Variants in SLCO1C1 observed in about 807,000 individuals in gnomAD.
SLCO1C1 encodes the protein OAT-RP-5.
In SLCO1C1, 70 loss-of-function variants were observed where a neutral mutation model predicts 76.4. That is an observed-to-expected ratio of 0.92 (90% confidence interval 0.76 to 1.12). The LOEUF (loss-of-function observed/expected upper bound fraction) is 1.12. SLCO1C1 is among the 50% of genes most tolerant of loss of function. SLCO1C1 has a pLI of 0.00. For synonymous variants in SLCO1C1, 306 were observed against 286.1 expected, an observed-to-expected ratio of 1.07 and a Z score of -0.70; for missense variants, 912 against 823.8, an observed-to-expected ratio of 1.11 and a Z score of -1.31.
intron 11 of SLCO1C1, 118 bp from the exon 12 acceptor site, chr12:20,740,066 A>G: frequency 9.8e-7 from 1 of 1,020,114 alleles, no homozygotes. Context: ...AAAAAATAAA[A>G]GAATATTTCC....
At chr12:20,736,688 A>G (rs1375937468) in intron 10 of SLCO1C1, among the ~76,000 whole-genome samples, 1 of 152,106 alleles carries the variant, frequency 6.6e-6, no homozygotes, top group Non-Finnish European at 1.5e-5. Flanking sequence ...TACTTAGACA[A>G]CAATTCTGAA....
intron 5 of SLCO1C1, among the ~76,000 whole-genome samples, chr12:20,713,161 G>C (rs1465388021): frequency 6.7e-6 from 1 of 149,030 alleles, no homozygotes; most frequent in Admixed American, 6.7e-5. Context: ...CTCACTGCAA[G>C]CTCCGCCTCC....
intron 3 of SLCO1C1, among the ~76,000 whole-genome samples, chr12:20,703,621 A>C (rs1946630828): frequency 6.6e-6 from 1 of 151,950 alleles, no homozygotes; most frequent in South Asian, 2.1e-4. Context: ...TCAATGGTTA[A>C]TTTTATTTAG....
At chr12:20,713,279 C>T (rs1415016287) in intron 5 of SLCO1C1, among the ~76,000 whole-genome samples, 1 of 151,800 alleles carries the variant, frequency 6.6e-6, no homozygotes, top group Non-Finnish European at 1.5e-5. Flanking sequence ...CGGGGTTTCA[C>T]CTTGTTAGCC....
chr12:20,698,063 A>G (rs1334453022), intron 1 of SLCO1C1, among the ~76,000 whole-genome samples: 1 of 152,032 alleles, frequency 6.6e-6, no homozygotes, highest in East Asian at 1.9e-4. Flanking sequence ...TTATCAATAT[A>G]GGTAATGAAT....
intron 5 of SLCO1C1, among the ~76,000 whole-genome samples, chr12:20,713,238 C>T (rs1044306540): frequency 2.0e-5 from 3 of 151,694 alleles, no homozygotes; most frequent in African/African-American, 7.3e-5. Context: ...CGCTACCACG[C>T]CCGGCTAATT....
chr12:20,720,046 A>T (rs117711489), intron 7 of SLCO1C1, among the ~76,000 whole-genome samples: 1 of 152,298 alleles, frequency 6.6e-6, no homozygotes, highest in East Asian at 1.9e-4. Flanking sequence ...AGTTGAAGCC[A>T]ATGCTCATTT....
At chr12:20,724,006 A>G (rs1947807230) in intron 9 of SLCO1C1, among the ~76,000 whole-genome samples, 1 of 152,120 alleles carries the variant, frequency 6.6e-6, no homozygotes, top group Non-Finnish European at 1.5e-5. Context: ...AGCCAAATGT[A>G]TTTTAGGAGA....
rs138463105 is a variant in SLCO1C1 at position 20,733,850 on chromosome 12, T to C, written c.1382+746T>C. Among the ~76,000 whole-genome samples, 313 of 152,308 alleles carry C rather than the reference T, an allele frequency of 2.1e-3. 4 individuals carry two copies. Among genetic ancestry groups the C allele is most frequent in the African/African-American group, 7.1e-3 (297 of 41,562 alleles). Reference sequence around the variant, plus strand: ...TCTCTCTCAATACAAGGTTGAATCTTGTAGGAACTATATTGCCCTTGCCCA... The same window carrying C: ...TCTCTCTCAATACAAGGTTGAATCTCGTAGGAACTATATTGCCCTTGCCCA... On this transcript the variant is annotated intron_variant, in intron 10 of 14. Transcript: ENST00000266509.
intron 4 of SLCO1C1, among the ~76,000 whole-genome samples, chr12:20,710,791 T>C (rs1947052004): frequency 6.6e-6 from 1 of 152,180 alleles, no homozygotes; most frequent in South Asian, 2.1e-4. Flanking sequence ...CTGATGGCAA[T>C]ACATTGTTCA....
intron 13 of SLCO1C1, among the ~76,000 whole-genome samples, chr12:20,743,766 T>TA (rs1948923338): frequency 6.6e-6 from 1 of 152,084 alleles, no homozygotes; most frequent in Non-Finnish European, 1.5e-5. Flanking sequence ...AGAATTCCTT[T>TA]GAGTTACTCT....
intron 9 of SLCO1C1, 76 bp from the exon 10 acceptor site, chr12:20,732,833 C>A: frequency 6.8e-7 from 1 of 1,465,606 alleles, no homozygotes; most frequent in Non-Finnish European, 9.3e-7. Flanking sequence ...ACAAAATAGT[C>A]TTTAGAAAGT....
At chr12:20,712,604 A>ACTGCCCC (rs1168563018) in intron 5 of SLCO1C1, among the ~76,000 whole-genome samples, 2 of 152,172 alleles carry the variant, frequency 1.3e-5, no homozygotes, top group African/African-American at 4.8e-5. Context: ...ACCACATTGT[A>ACTGCCCC]TACAGGCAGA....
At chr12:20,698,246 TTTG>T in intron 1 of SLCO1C1, among the ~76,000 whole-genome samples, 1 of 152,046 alleles carries the variant, frequency 6.6e-6, no homozygotes, top group African/African-American at 2.4e-5. Flanking sequence ...TTGCTTATTT[TTTG>T]TTTTTAAATT....
chr12:20,724,451 A>ATGTGTG lies in SLCO1C1; in HGVS notation c.1186+1219_1186+1224dup, dbSNP rs1376125062. ...TATATATATATATATATATATATAT[A>ATGTGTG]TGTGTGTGTGTGTGTGTGTGTGTGT... On this transcript the variant is annotated intron_variant, in intron 9 of 14. Transcript: ENST00000266509. Among the ~76,000 whole-genome samples, 726 of 75,254 alleles carry ATGTGTG rather than the reference A, an allele frequency of 9.6e-3. 5 individuals carry two copies. Among genetic ancestry groups the ATGTGTG allele is most frequent in the Non-Finnish European group, 0.014 (573 of 41,614 alleles). 49.4% of individuals were successfully genotyped at this position (75,254 alleles called of 152,430 possible). A position where few individuals can be genotyped will look rare whatever the true frequency, so the allele number is the denominator to read the frequency against.
chr12:20,745,011 T>A (rs1331169967), intron 13 of SLCO1C1, among the ~76,000 whole-genome samples: 1 of 152,096 alleles, frequency 6.6e-6, no homozygotes, highest in Non-Finnish European at 1.5e-5. Context: ...GGAGAACAAT[T>A]TTTATTGTAT....
In SLCO1C1 at chr12:20,696,218, C is replaced by T. The variant is rs1184646262; in HGVS notation, c.-26+411C>T. On this transcript the variant is annotated intron_variant, in intron 1 of 14. Transcript: ENST00000266509. ...ATTAGGTGAGAAATTAGTTTCTAAA[C>T]AACACACACTCCTCTGCAGCAAGTG... Among the ~76,000 whole-genome samples, 5 of 152,234 alleles carry T rather than the reference C, an allele frequency of 3.3e-5. No homozygotes were observed. In the East Asian group the frequency reaches 9.7e-4, roughly 30 times the overall value.
chr12:20,717,196 C>A lies in SLCO1C1; in HGVS notation c.741C>A (p.Ala247=), dbSNP rs778429320. 6.3e-7 allele frequency: 1 copy of A among 1,598,914 alleles called. No individual in the cohort carries two copies. The highest frequency in any genetic ancestry group is 1.8e-5 in the Admixed American group (1 of 56,466). ...IFGFLLGSLC[A]KLYVDIGFVN... is the part of the protein sequence containing the mutation. The stretch of plus-strand genomic sequence containing the variant: ...GTTTCCTGTTAGGCTCATTATGTGC[C>A]AAACTATATGTTGACATTGGCTTTG... The change falls in exon 7 of 15, where the codon GCC becomes GCA. Residue 247 remains alanine (A), a synonymous_variant. Transcript: ENST00000266509.
chr12:20,717,692 T>C (rs1443300769), intron 7 of SLCO1C1, among the ~76,000 whole-genome samples: 1 of 117,162 alleles, frequency 8.5e-6, no homozygotes, highest in African/African-American at 3.3e-5. Flanking sequence ...TTTTTTTTTT[T>C]ACTCTGCAAG....
Sources: gnomAD v4.1 joint callset for allele counts (sites outside exome capture counted in the v4.1 genomes callset) on GRCh38, gnomAD v4.1.1 for gene constraint, MANE v1.5 for transcripts, NCBI Gene and HGNC (gene_info 2026-07-23, HGNC 2026-07-21) for gene names.